ARID4A: variants seen among roughly 807,000 people sequenced by gnomAD.
The protein encoded by ARID4A is AT-rich interactive domain-containing protein 4A.
A neutral mutation model predicts 148.6 loss-of-function variants in ARID4A; 39 were observed. That is an observed-to-expected ratio of 0.26 (90% CI 0.20 to 0.34). ARID4A has a LOEUF of 0.34. Among genes scored for constraint, ARID4A ranks in the 10% least tolerant of loss-of-function variants. ARID4A has a pLI of 1.00. For synonymous variants in ARID4A, 475 were observed against 481.2 expected (o/e 0.99, Z 0.17); for missense variants, 1,265 against 1,449.1 (o/e 0.87, Z 2.06).
chr14:58,308,939 A>G (rs2031810772), intron 5 of ARID4A, among the ~76,000 whole-genome samples: 1 of 152,234 alleles, frequency 6.6e-6, no homozygotes, highest in Non-Finnish European at 1.5e-5. Flanking sequence ...AGTTATGATC[A>G]TTAGTGATCT....
At chr14:58,361,829 C>G (rs893112885) in intron 19 of ARID4A, among the ~76,000 whole-genome samples, 7 of 152,052 alleles carry the variant, frequency 4.6e-5, no homozygotes, top group African/African-American at 7.2e-5. Context: ...TGTTGGTGCC[C>G]AAAAAGTTGT....
chr14:58,341,770 C>T (rs779684574), intron 11 of ARID4A, among the ~76,000 whole-genome samples: 1 of 152,144 alleles, frequency 6.6e-6, no homozygotes, highest in Non-Finnish European at 1.5e-5. Flanking sequence ...TATACTAATA[C>T]TAACTAAAAT....
intron 7 of ARID4A, among the ~76,000 whole-genome samples, chr14:58,322,980 A>AT (rs1555359733): frequency 0.011 from 1,237 of 114,070 alleles, 12 homozygotes; most frequent in Non-Finnish European, 0.014. Context: ...AAAAAAAAAA[A>AT]ATATATATAT....
intron 17 of ARID4A, among the ~76,000 whole-genome samples, chr14:58,357,938 C>T (rs2034959755): frequency 6.6e-6 from 1 of 152,222 alleles, no homozygotes; most frequent in Non-Finnish European, 1.5e-5. Context: ...TGCAATGGCT[C>T]ATGCCTGTAA....
At chr14:58,314,521 G>A (rs916864333) in intron 5 of ARID4A, among the ~76,000 whole-genome samples, 7 of 152,140 alleles carry the variant, frequency 4.6e-5, no homozygotes, top group African/African-American at 1.7e-4. Context: ...GAACTCTTGG[G>A]ATCATGTGAT....
chr14:58,369,338 A>G (rs2035498814), intron 23 of ARID4A, among the ~76,000 whole-genome samples: 1 of 152,152 alleles, frequency 6.6e-6, no homozygotes, highest in Non-Finnish European at 1.5e-5. Flanking sequence ...TAAAGAGTAG[A>G]TTCTAGGCCT....
intron 11 of ARID4A, among the ~76,000 whole-genome samples, chr14:58,339,418 A>G (rs575428158): frequency 2.0e-5 from 3 of 152,248 alleles, no homozygotes; most frequent in African/African-American, 4.8e-5. Flanking sequence ...AAAAATGTCA[A>G]TTTTTGTGGC....
At position 58,373,187 on chromosome 14, in the gene ARID4A, A is replaced by G. The variant is rs955435689; in HGVS notation, c.*1198A>G. 1 of 200,436 alleles carries G rather than the reference A, an allele frequency of 5.0e-6. No individual in the cohort carries two copies. The highest frequency in any genetic ancestry group is 1.0e-5 in the Non-Finnish European group (1 of 97,024). 12.4% of individuals were successfully genotyped at this position (200,436 alleles called of 1,614,324 possible). ...CTTTGTCACAGTTTTTATGTTTGCTATACTGCCGAATGAATTTATATCTCC... is the reference window on the plus strand; with the variant it reads ...CTTTGTCACAGTTTTTATGTTTGCTGTACTGCCGAATGAATTTATATCTCC... On this transcript the variant is annotated 3_prime_UTR_variant, in exon 24 of 24. Coordinates refer to ENST00000355431, the MANE Select transcript of ARID4A (RefSeq NM_002892.4).
At chr14:58,311,038 A>G (rs950155337) in intron 5 of ARID4A, among the ~76,000 whole-genome samples, 3 of 151,946 alleles carry the variant, frequency 2.0e-5, no homozygotes, top group Non-Finnish European at 4.4e-5. Flanking sequence ...TTGAGGTCAG[A>G]AGTTCGAGAC....
chr14:58,351,170 A>G lies in ARID4A; in HGVS notation c.1502A>G (p.Lys501Arg). 1 of 1,611,730 alleles carries G rather than the reference A, an allele frequency of 6.2e-7. No individual in the cohort carries two copies. The highest frequency in any genetic ancestry group is 1.1e-5 in the South Asian group (1 of 90,134). Residue 501 changes from lysine (K) to arginine (R), a missense_variant, in exon 16 of 24, where the codon AAG becomes AGG. Coordinates refer to ENST00000355431, the MANE Select transcript of ARID4A (RefSeq NM_002892.4). ...TTAAAAGATAATGATACAGAAAATA[A>G]GGATGTAGATGATGACTATGAAACT... is the stretch of plus-strand genomic sequence containing the variant. The part of the protein sequence containing the change: ...DKLKDNDTEN[K>R]DVDDDYETAE...
intron 12 of ARID4A, among the ~76,000 whole-genome samples, chr14:58,345,480 T>C (rs1172841402): frequency 6.6e-6 from 1 of 152,162 alleles, no homozygotes; most frequent in Non-Finnish European, 1.5e-5. Flanking sequence ...CCAATCGTTA[T>C]CTGAAAAAGA....
At chr14:58,313,127 A>G (rs1027677217) in intron 5 of ARID4A, among the ~76,000 whole-genome samples, 4 of 152,212 alleles carry the variant, frequency 2.6e-5, no homozygotes, top group African/African-American at 9.7e-5. Flanking sequence ...TCCTCTTAAT[A>G]GATTTTAATA....
chr14:58,330,455 A>C (rs1322429035), intron 11 of ARID4A, among the ~76,000 whole-genome samples: 1 of 152,150 alleles, frequency 6.6e-6, no homozygotes, highest in Non-Finnish European at 1.5e-5. Context: ...GGAGGGAAAA[A>C]AATGTAATTT....
rs988431721 is a variant in ARID4A, at chr14:58,335,838, A to T, written c.906+5669A>T. Among the ~76,000 whole-genome samples the T allele has an allele frequency of 1.4e-4, 22 of 152,272 alleles. No individual in the cohort carries two copies. In the East Asian group the frequency reaches 4.2e-3, roughly 29 times the overall value. ...AGTCCATTCTCTTCTACCTGCTCGA[A>T]TAGCTCTCAAATTTGCCCACTTCGT... On this transcript the variant is annotated intron_variant, in intron 11 of 23. Coordinates refer to ENST00000355431, the MANE Select transcript of ARID4A (RefSeq NM_002892.4).
In ARID4A at chr14:58,360,944, G is replaced by C. The variant is rs1231906141; in HGVS notation, c.1982G>C (p.Arg661Thr). The C allele has an allele frequency of 2.5e-6, 4 of 1,614,000 alleles. No individual in the cohort carries two copies. Among genetic ancestry groups the C allele is most frequent in the Non-Finnish European group, 2.5e-6 (3 of 1,180,020 alleles). Residue 661 changes from arginine to threonine, a missense_variant, in exon 19 of 24, where the codon AGG (arginine) becomes ACG (threonine). Physicochemically the swap from Arg to Thr is moderately conservative, Grantham distance 71. Transcript: ENST00000355431. ...SEKDEKRDEE[R>T]QKSKRGRPPL... ...AAGGACGAAAAGAGAGATGAGGAGAGGCAGAAGTCAAAACGGGGACGACCT... is the reference window on the plus strand; with the variant it reads ...AAGGACGAAAAGAGAGATGAGGAGACGCAGAAGTCAAAACGGGGACGACCT...
chr14:58,369,846 C>G (rs2035527045), intron 23 of ARID4A, among the ~76,000 whole-genome samples: 1 of 152,076 alleles, frequency 6.6e-6, no homozygotes, highest in African/African-American at 2.4e-5. Context: ...CTAGGATGAC[C>G]ACTGCATAGC....
At chr14:58,313,503 G>C (rs1318617501) in intron 5 of ARID4A, among the ~76,000 whole-genome samples, 1 of 152,158 alleles carries the variant, frequency 6.6e-6, no homozygotes, top group Non-Finnish European at 1.5e-5. Flanking sequence ...CTAACCTGCT[G>C]TCCGGTCCGG....
At chr14:58,317,624 C>CTTTTTTTTTTTTTTTT (rs71107933) in intron 5 of ARID4A, among the ~76,000 whole-genome samples, 13 of 69,872 alleles carry the variant, frequency 1.9e-4, no homozygotes, top group Non-Finnish European at 2.4e-4. Context: ...TTATATTTGT[C>CTTTTTTTTTTTTTTTT]TTTTTTTTTT....
At chr14:58,305,297 C>G (rs1406712541) in intron 4 of ARID4A, among the ~76,000 whole-genome samples, 1 of 152,074 alleles carries the variant, frequency 6.6e-6, no homozygotes, top group East Asian at 1.9e-4. Context: ...CTTTGTTTTT[C>G]ACATTGTTGC....
Sources: gnomAD v4.1 joint callset for allele counts (sites outside exome capture counted in the v4.1 genomes callset) on GRCh38, gnomAD v4.1.1 for gene constraint, MANE v1.5 for transcripts, NCBI Gene and HGNC (gene_info 2026-07-23, HGNC 2026-07-21) for gene names.